CBARP: variants seen among roughly 807,000 people sequenced by gnomAD.
The protein encoded by CBARP is CACN subunit beta associated regulatory protein, also known as voltage-dependent calcium channel beta subunit-associated regulatory protein.
CBARP carries 24 observed loss-of-function variants against 36.3 expected under a neutral mutation model. The ratio of observed to expected loss-of-function variants is 0.66; its 90% CI spans 0.48 to 0.93. The LOEUF is 0.93. Among genes scored for constraint, CBARP ranks in the 40% least tolerant of loss-of-function variants. The pLI is 0.00. For synonymous variants in CBARP, 586 were observed against 453.2 expected (o/e 1.29, Z -3.72); for missense variants, 1,146 against 980.4 (o/e 1.17, Z -2.26).
chr19:1,232,895 C>T (rs2080912614), intron 8 of CBARP, among the ~76,000 whole-genome samples: 1 of 152,246 alleles, frequency 6.6e-6, no homozygotes, highest in South Asian at 2.1e-4. Context: ...GACCCCTGGC[C>T]CAGTCCAACA....
chr19:1,229,829 G>A lies in CBARP; in HGVS notation c.1468C>T (p.Pro490Ser). The A allele has an allele frequency of 1.0e-6, 1 of 985,612 alleles. No homozygotes were observed. The highest frequency in any genetic ancestry group is 1.2e-6 in the Non-Finnish European group (1 of 831,134). The allele number at this position is 985,612 out of a possible 1,614,324, so 61.1% of individuals were successfully genotyped here. A position where few individuals can be genotyped will look rare whatever the true frequency, so the allele number is the denominator to read the frequency against. Residue 490 changes from proline to serine, a missense_variant, in exon 10 of 10, where the codon CCC becomes TCC. By Grantham distance (74) the Pro-to-Ser change is moderately conservative (BLOSUM62 -1). Coordinates refer to ENST00000650044, the MANE Select transcript of CBARP (RefSeq NM_001393918.1). This position sits in a 1 kb window ranked among gnomAD's most constrained non-coding sequence, Gnocchi z 5.1. ...AGCCGGCGCGCCTCGCCGTCCTTGG[G>A]CCGCGGCGCGGGCGGGGAGGGCGGC... Reference protein sequence around the residue: ...FPPPSPPAPRPKDGEARRLLQ... With the variant: ...FPPPSPPAPRSKDGEARRLLQ...
intron 1 of CBARP, among the ~76,000 whole-genome samples, chr19:1,237,171 C>T (rs1284721067): frequency 6.6e-6 from 1 of 152,250 alleles, no homozygotes; most frequent in African/African-American, 2.4e-5. Context: ...TCCCGGACTT[C>T]CGCCCACACG....
chr19:1,234,554 G>C lies in CBARP; in HGVS notation c.627+17C>G. 6.3e-7 allele frequency: 1 copy of C among 1,588,768 alleles called. No homozygotes were observed. The highest frequency in any genetic ancestry group is 8.6e-7 in the Non-Finnish European group (1 of 1,167,810). ...TCCCGTCCCCCGAGGAACCGGGGCT[G>C]CTGCCCATAGGCTCACCTGGAAGAT... On this transcript the variant is annotated intron_variant, in intron 6 of 9. Transcript: ENST00000650044.
chr19:1,231,127 C>G lies in CBARP; in HGVS notation c.1128G>C (p.Leu376=). The change falls in exon 9 of 10, where the codon CTG becomes CTC. Residue 376 remains leucine, a synonymous_variant. Coordinates refer to ENST00000650044, the MANE Select transcript of CBARP (RefSeq NM_001393918.1). ...TGCCGAGAGCAGGGGGCGGGCTGGCCAGAAAGGGGCGGGGGTGCGGGAAGG... is the reference window on the plus strand; with the variant it reads ...TGCCGAGAGCAGGGGGCGGGCTGGCGAGAAAGGGGCGGGGGTGCGGGAAGG... ...AVAFPHPRPF[L]ASPPPALGRL... 6.3e-7 allele frequency: 1 copy of G among 1,598,994 alleles called. No individual in the cohort carries two copies. The highest frequency in any genetic ancestry group is 8.5e-7 in the Non-Finnish European group (1 of 1,172,224).
rs778452020 is a variant in CBARP at position 1,229,940 on chromosome 19, G to A, written c.1357C>T (p.His453Tyr). 45 of 1,193,794 alleles carry A rather than the reference G, an allele frequency of 3.8e-5. No homozygotes were observed. In the East Asian group the frequency reaches 4.2e-3, roughly 111 times the overall value. The allele number at this position is 1,193,794 out of a possible 1,614,324, so 74.0% of individuals were successfully genotyped here. The change falls in exon 10 of 10, where the codon CAC (histidine) becomes TAC (tyrosine). Residue 453 changes from histidine to tyrosine, a missense_variant. Coordinates refer to ENST00000650044, the MANE Select transcript of CBARP (RefSeq NM_001393918.1). The surrounding 1 kb of genome is among the most constrained non-coding windows in gnomAD (Gnocchi z 5.1). ...SLELHAAASD[H>Y]SSSGNDRDSV... ...TCGCGGTCGTTGCCGCTGCTGCTGT[G>A]GTCCGAGGCGGCCGCATGCAGCTCA...
Position 1,230,095 on chromosome 19 carries a change from G to GA in CBARP, c.1201_1202insT (p.Pro401LeufsTer11). 1 of 1,080,460 alleles carries GA rather than the reference G, an allele frequency of 9.3e-7. No individual in the cohort carries two copies. Among genetic ancestry groups the GA allele is most frequent in the Non-Finnish European group, 1.1e-6 (1 of 884,820 alleles). 66.9% of individuals were successfully genotyped at this position (1,080,460 alleles called of 1,614,324 possible). A position where few individuals can be genotyped will look rare whatever the true frequency, so the allele number is the denominator to read the frequency against. Reference sequence around the variant, plus strand: ...CCCCGCGCTGCCCGCGCCGCGCTCCGGGGGGGAATCGGGGCTCGCTCCTCC... The same window carrying GA: ...CCCCGCGCTGCCCGCGCCGCGCTCCGAGGGGGGAATCGGGGCTCGCTCCTCC... On this transcript the variant is annotated frameshift_variant, in exon 10 of 10. Transcript: ENST00000650044. LOFTEE classifies it low-confidence loss of function (END_TRUNC).
chr19:1,234,452 C>G, intron 6 of CBARP, 119 bp downstream of exon 6: 1 of 1,435,418 alleles, frequency 7.0e-7, no homozygotes, highest in Non-Finnish European at 9.1e-7. Context: ...CCACCCCACC[C>G]CGCCCATCCC....
chr19:1,235,931 A>C lies in CBARP; in HGVS notation c.106-13T>G, dbSNP rs763496984. ...GGTCTGGCTCTGCCTGCGGGTGTGC[A>C]GGGGGGGTCAGGTGCTGCTGGCCTG... On this transcript the variant is annotated splice_polypyrimidine_tract_variant and intron_variant, in intron 2 of 9. Transcript: ENST00000650044. 1 of 1,604,922 alleles carries C rather than the reference A, an allele frequency of 6.2e-7. No individual in the cohort carries two copies. Among genetic ancestry groups the C allele is most frequent in the Non-Finnish European group, 8.5e-7 (1 of 1,175,542 alleles).
At chr19:1,235,270 T>C (rs2080951766) in intron 4 of CBARP, 125 bp from the exon 5 acceptor site, 3 of 1,178,398 alleles carry the variant, frequency 2.5e-6, no homozygotes, top group Non-Finnish European at 3.3e-6. Context: ...GCGGCCGGGC[T>C]GGCGGGGCGA....
intron 1 of CBARP, among the ~76,000 whole-genome samples, chr19:1,237,359 G>T (rs892125793): frequency 1.3e-5 from 2 of 152,138 alleles, no homozygotes; most frequent in Non-Finnish European, 2.9e-5. Context: ...GTGACCGGAG[G>T]CCGGGGAAGA....
intron 3 of CBARP, 76 bp from the exon 4 acceptor site, chr19:1,235,641 A>G: frequency 6.3e-7 from 1 of 1,584,520 alleles, no homozygotes; most frequent in Non-Finnish European, 8.6e-7. Context: ...CTTTGCCCCA[A>G]GCCAAGCCCT....
At chr19:1,236,298 G>A (rs1240001111) in intron 1 of CBARP, among the ~76,000 whole-genome samples, 177 bp from the exon 2 acceptor site, 2 of 152,206 alleles carry the variant, frequency 1.3e-5, no homozygotes, top group Admixed American at 6.5e-5. Flanking sequence ...AGCGGGCCCC[G>A]GGGGCTCTCT....
rs2080885649 is a variant in CBARP, at chr19:1,231,131, A to G, written c.1124T>C (p.Phe375Ser). 6.3e-7 allele frequency: 1 copy of G among 1,599,472 alleles called. No individual in the cohort carries two copies. The highest frequency in any genetic ancestry group is 1.1e-5 in the South Asian group (1 of 90,410). The part of the protein sequence containing the change: ...DAVAFPHPRP[F>S]LASPPPALGR... ...GAGAGCAGGGGGCGGGCTGGCCAGA[A>G]AGGGGCGGGGGTGCGGGAAGGCCAC... The change falls in exon 9 of 10, where the codon TTT (phenylalanine) becomes TCT (serine). Residue 375 changes from phenylalanine to serine, a missense_variant. Phe to Ser is a radical substitution (Grantham distance 155). Coordinates refer to ENST00000650044, the MANE Select transcript of CBARP (RefSeq NM_001393918.1).
chr19:1,230,568 G>A (rs1382008754), intron 9 of CBARP: 3 of 1,123,010 alleles, frequency 2.7e-6, no homozygotes, highest in Admixed American at 4.6e-5. Flanking sequence ...CAGGAGGACA[G>A]TGCACAGACG....
intron 4 of CBARP, 119 bp from the exon 5 acceptor site, chr19:1,235,264 C>T: frequency 1.6e-6 from 2 of 1,215,804 alleles, no homozygotes; most frequent in Middle Eastern, 3.0e-4. Flanking sequence ...GCACGGGCGG[C>T]CGGGCTGGCG....
At position 1,231,231 on chromosome 19, in the gene CBARP, C is replaced by T. The variant is rs767313930; in HGVS notation, c.1024G>A (p.Glu342Lys). The T allele has an allele frequency of 1.2e-6, 2 of 1,602,736 alleles. No individual in the cohort carries two copies. The highest frequency in any genetic ancestry group is 1.1e-5 in the South Asian group (1 of 91,076). The change falls in exon 9 of 10, where the codon GAG becomes AAG. Residue 342 changes from glutamate (E) to lysine (K), a missense_variant. Coordinates refer to ENST00000650044, the MANE Select transcript of CBARP (RefSeq NM_001393918.1). ...HHFQRQRAAS[E>K]STEQEEGDAP... ...TCCCCCTCCTCCTGCTCCGTGCTCT[C>T]ACTGGCTGCCCGCTGCCGCTGGAAG...
At chr19:1,235,737 C>T in intron 3 of CBARP, 42 bp downstream of exon 3, 1 of 1,605,498 alleles carries the variant, frequency 6.2e-7, no homozygotes, top group Non-Finnish European at 8.5e-7. Flanking sequence ...ATGGCACCCA[C>T]AACCACCATG....
rs1250258532 is a variant in CBARP at position 1,229,462 on chromosome 19, G to A, written c.1835C>T (p.Ala612Val). ...PAPPAGAARP[A>V]RAPLRRGDSV... ...GTCGCCGCGCCGCAAGGGCGCACGC[G>A]CGGGTCGGGCCGCGCCGGCAGGCGG... The change falls in exon 10 of 10, where the codon GCG (alanine) becomes GTG (valine). Residue 612 changes from alanine (A) to valine (V), a missense_variant. Physicochemically the swap from Ala to Val is moderately conservative, Grantham distance 64. Transcript: ENST00000650044. The surrounding 1 kb of genome is among the most constrained non-coding windows in gnomAD (Gnocchi z 5.1). 30 of 979,018 alleles carry A rather than the reference G, an allele frequency of 3.1e-5. No homozygotes were observed. Among genetic ancestry groups the A allele is most frequent in the Non-Finnish European group, 2.9e-5 (24 of 827,646 alleles). 60.6% of individuals were successfully genotyped at this position (979,018 alleles called of 1,614,324 possible). A position where few individuals can be genotyped will look rare whatever the true frequency, so the allele number is the denominator to read the frequency against.
chr19:1,237,396 G>T (rs892596760), intron 1 of CBARP, among the ~76,000 whole-genome samples: 2 of 152,142 alleles, frequency 1.3e-5, no homozygotes, highest in African/African-American at 4.8e-5. Context: ...GGAAGAGGGG[G>T]GCTCCTGGGG....
Sources: allele counts gnomAD v4.1 joint callset (sites outside exome capture counted in the v4.1 genomes callset), GRCh38; gene constraint gnomAD v4.1.1; non-coding constraint Gnocchi (gnomAD v3.1); transcripts MANE v1.5; gene names NCBI Gene and HGNC (gene_info 2026-07-23, HGNC 2026-07-21).